Variants in ANKHD1 observed in about 807,000 individuals in gnomAD.
ANKHD1 encodes ankyrin repeat and KH domain containing 1, also known as ankyrin repeat and KH domain-containing protein 1.
ANKHD1 carries 31 observed loss-of-function variants against 230.5 expected under a neutral mutation model. That is an observed-to-expected ratio of 0.13 (90% confidence interval 0.10 to 0.18). ANKHD1 has a LOEUF of 0.18. Ranked by LOEUF, ANKHD1 falls within the 10% of genes least tolerant of loss-of-function variation. The pLI, the probability that ANKHD1 is intolerant of heterozygous loss-of-function variation, is 1.00. For synonymous variants in ANKHD1, 1,074 were observed against 1,117.6 expected, an observed-to-expected ratio of 0.96 and a Z score of 0.78; for missense variants, 2,256 against 3,071.3, an observed-to-expected ratio of 0.73 and a Z score of 6.27.
At chr5:140,487,596 TAAG>T (rs1190949978) in intron 14 of ANKHD1, among the ~76,000 whole-genome samples, 1 of 152,178 alleles carries the variant, frequency 6.6e-6, no homozygotes, top group Non-Finnish European at 1.5e-5. Context: ...AAATGACTAT[TAAG>T]AAGGAGAGTA....
chr5:140,451,654 G>A (rs191014964), intron 7 of ANKHD1, among the ~76,000 whole-genome samples: 25 of 152,078 alleles, frequency 1.6e-4, no homozygotes, highest in African/African-American at 2.4e-4. Context: ...GACTACAGGC[G>A]CACACCACTA....
At chr5:140,469,589 A>G (rs1324902058) in intron 10 of ANKHD1, among the ~76,000 whole-genome samples, 1 of 152,150 alleles carries the variant, frequency 6.6e-6, no homozygotes, top group African/African-American at 2.4e-5. Context: ...CGAACTATAG[A>G]AAACACAGGA....
Position 140,447,540 on chromosome 5 carries a change from G to C in ANKHD1, c.1147+1565G>C, listed in dbSNP as rs1774386927. Among the ~76,000 whole-genome samples the C allele has an allele frequency of 2.0e-5, 3 of 152,212 alleles. No individual in the cohort carries two copies. The South Asian group carries it at 6.2e-4, about 32-fold the overall frequency. On this transcript the variant is annotated intron_variant, in intron 6 of 33. Coordinates refer to ENST00000360839, the MANE Select transcript of ANKHD1 (RefSeq NM_017747.3). Reference sequence around the variant, plus strand: ...ATATTCTTACAATGTAACTTTTGATGATTATATACTATTTCACTATTTCAT... The same window carrying C: ...ATATTCTTACAATGTAACTTTTGATCATTATATACTATTTCACTATTTCAT...
In ANKHD1 at chr5:140,528,165, GTTTT is replaced by G; in HGVS notation, c.5238-11_5238-8del. 8.8e-7 allele frequency: 1 copy of G among 1,135,224 alleles called. No homozygotes were observed. Among genetic ancestry groups the G allele is most frequent in the Non-Finnish European group, 1.2e-6 (1 of 857,814 alleles). The allele number at this position is 1,135,224 out of a possible 1,614,324, so 70.3% of individuals were successfully genotyped here. Reference sequence around the variant, plus strand: ...TTTTAATGTTTTTGGTCTTGTTTCTGTTTTTTTTTTTCCCTTAGGGGTGGCACAG... The same window carrying G: ...TTTTAATGTTTTTGGTCTTGTTTCTGTTTTTTTCCCTTAGGGGTGGCACAG... On this transcript the variant is annotated splice_polypyrimidine_tract_variant and intron_variant, in intron 28 of 33. Coordinates refer to ENST00000360839, the MANE Select transcript of ANKHD1 (RefSeq NM_017747.3).
At chr5:140,408,779 C>T (rs2126841851) in intron 1 of ANKHD1, among the ~76,000 whole-genome samples, 1 of 152,238 alleles carries the variant, frequency 6.6e-6, no homozygotes, top group Non-Finnish European at 1.5e-5. Flanking sequence ...AGTGCGGTGG[C>T]ATGGTCATAA....
intron 30 of ANKHD1, chr5:140,537,171 C>A: frequency 1.4e-6 from 1 of 739,542 alleles, no homozygotes; most frequent in Non-Finnish European, 1.9e-6. Flanking sequence ...AGGCAGAAAT[C>A]GTGTAGGATA....
At chr5:140,456,918 G>A (rs1026455755) in intron 7 of ANKHD1, among the ~76,000 whole-genome samples, 2 of 152,070 alleles carry the variant, frequency 1.3e-5, no homozygotes, top group Non-Finnish European at 2.9e-5. Flanking sequence ...GAGGGAACAG[G>A]CAACCTACAG....
rs377248899 is a variant in ANKHD1, at chr5:140,404,721, G to A, written c.306+2448G>A. Reference sequence around the variant, plus strand: ...ATTACAGGCATGAGCCACCACGCCCGGCCTTAATTTTTTTTTTTTTTTTGA... The same window carrying A: ...ATTACAGGCATGAGCCACCACGCCCAGCCTTAATTTTTTTTTTTTTTTTGA... On this transcript the variant is annotated intron_variant, in intron 1 of 33. Coordinates refer to ENST00000360839, the MANE Select transcript of ANKHD1 (RefSeq NM_017747.3). Among the ~76,000 whole-genome samples, 92 of 151,392 alleles carry A rather than the reference G, an allele frequency of 6.1e-4. 1 individual carries two copies. The South Asian group carries it at 0.019, about 31-fold the overall frequency.
At chr5:140,447,768 A>T (rs1188996468) in intron 6 of ANKHD1, among the ~76,000 whole-genome samples, 1 of 152,226 alleles carries the variant, frequency 6.6e-6, no homozygotes, top group African/African-American at 2.4e-5. Context: ...GATGATAGCT[A>T]GGACCCCAGC....
chr5:140,485,889 T>A lies in ANKHD1; in HGVS notation c.2142+157T>A. 1 of 1,169,008 alleles carries A rather than the reference T, an allele frequency of 8.6e-7. No homozygotes were observed. Among genetic ancestry groups the A allele is most frequent in the Non-Finnish European group, 1.2e-6 (1 of 858,544 alleles). 72.4% of individuals were successfully genotyped at this position (1,169,008 alleles called of 1,614,324 possible). A position where few individuals can be genotyped will look rare whatever the true frequency, so the allele number is the denominator to read the frequency against. ...TAAATTCTTTAGGATTTATTTTCTT[T>A]AAAGGTACACTGAAATTTGTTATTG... On this transcript the variant is annotated intron_variant, in intron 13 of 33. Coordinates refer to ENST00000360839, the MANE Select transcript of ANKHD1 (RefSeq NM_017747.3). This position sits in a 1 kb window ranked among gnomAD's most constrained non-coding sequence, Gnocchi z 4.8.
At chr5:140,510,512 C>T (rs1284037079) in intron 22 of ANKHD1, among the ~76,000 whole-genome samples, 1 of 151,682 alleles carries the variant, frequency 6.6e-6, no homozygotes, top group Non-Finnish European at 1.5e-5. Flanking sequence ...GGGGTGTCAC[C>T]ACGTTGGTCA....
In ANKHD1 at chr5:140,526,160, A is replaced by T; in HGVS notation, c.4657A>T (p.Thr1553Ser). 6.2e-7 allele frequency: 1 copy of T among 1,613,364 alleles called. No individual in the cohort carries two copies. Among genetic ancestry groups the T allele is most frequent in the Non-Finnish European group, 8.5e-7 (1 of 1,179,882 alleles). Reference protein sequence around the residue: ...RKNKKNKTKETPPTAHLILPE... With the variant: ...RKNKKNKTKESPPTAHLILPE... The stretch of plus-strand genomic sequence containing the variant: ...AAATAAGAAGAACAAAACAAAAGAA[A>T]CCCCTCCTACAGCACATTTAATTTT... The change falls in exon 26 of 34, where the codon ACC becomes TCC. Residue 1553 changes from threonine to serine, a missense_variant. Physicochemically the swap from Thr to Ser is moderately conservative, Grantham distance 58 (BLOSUM62 1). Transcript: ENST00000360839.
At chr5:140,516,203 AAAATG>A (rs1364340237) in intron 24 of ANKHD1, among the ~76,000 whole-genome samples, 1 of 152,236 alleles carries the variant, frequency 6.6e-6, no homozygotes, top group East Asian at 1.9e-4. Context: ...TCAGCGATGG[AAAATG>A]AAATGAATAA....
chr5:140,506,038 C>T lies in ANKHD1; in HGVS notation c.3408+169C>T, dbSNP rs779720759. 6.6e-5 allele frequency among the ~76,000 whole-genome samples: 10 copies of T among 152,128 alleles called. No homozygotes were observed. The highest frequency in any genetic ancestry group is 1.0e-4 in the Non-Finnish European group (7 of 68,022). ...AGGCTAGAGTACAGTGGTGCAATTA[C>T]AGCTCGCTATAACCTTGAACTCTGG... On this transcript the variant is annotated intron_variant, in intron 18 of 33. Coordinates refer to ENST00000360839, the MANE Select transcript of ANKHD1 (RefSeq NM_017747.3). The surrounding 1 kb of genome is among the most constrained non-coding windows in gnomAD (Gnocchi z 4.7).
intron 7 of ANKHD1, among the ~76,000 whole-genome samples, chr5:140,450,548 CT>C (rs1774650436): frequency 6.6e-6 from 1 of 151,566 alleles, no homozygotes. Flanking sequence ...CTCTCTCTCT[CT>C]TTATTTTGAA....
intron 1 of ANKHD1, among the ~76,000 whole-genome samples, chr5:140,431,040 TTTGTGAACCGCCAAAAGTAA>T (rs1773005517): frequency 2.0e-5 from 3 of 152,154 alleles, no homozygotes; most frequent in African/African-American, 7.2e-5. Context: ...AGGTAAGATA[TTTGTGAACCGCCAAAAGTAA>T]TCTCTCAAAT....
chr5:140,464,347 A>G (rs1775937813), intron 9 of ANKHD1, among the ~76,000 whole-genome samples: 1 of 152,178 alleles, frequency 6.6e-6, no homozygotes, highest in African/African-American at 2.4e-5. Flanking sequence ...ACTGTCTCTG[A>G]ATACAAACCA....
intron 24 of ANKHD1, among the ~76,000 whole-genome samples, chr5:140,517,594 C>G (rs1753090252): frequency 1.0e-5 from 1 of 97,048 alleles, no homozygotes; most frequent in South Asian, 4.1e-4. Context: ...AACTATCTCT[C>G]AGACCACAGT....
intron 22 of ANKHD1, among the ~76,000 whole-genome samples, chr5:140,511,681 A>C (rs1283923074): frequency 6.6e-6 from 1 of 152,234 alleles, no homozygotes; most frequent in Non-Finnish European, 1.5e-5. Flanking sequence ...TGTTTAGCAC[A>C]GTGCAATTTA....
Sources: allele counts gnomAD v4.1 joint callset (sites outside exome capture counted in the v4.1 genomes callset), GRCh38; gene constraint gnomAD v4.1.1; non-coding constraint Gnocchi (gnomAD v3.1); transcripts MANE v1.5; gene names NCBI Gene and HGNC (gene_info 2026-07-23, HGNC 2026-07-21).